The following KBTBD12 variants were observed in gnomAD, a reference collection of about 807,000 sequenced individuals.
KBTBD12 encodes the protein kelch repeat and BTB domain containing 12.
KBTBD12 carries 53 observed loss-of-function variants against 58.7 expected under a neutral mutation model. The ratio of observed to expected loss-of-function variants is 0.90; its 90% CI spans 0.72 to 1.14. The LOEUF is 1.14. Ranked by LOEUF, KBTBD12 falls within the 50% of genes most tolerant of loss-of-function variation. The pLI is 0.00. For missense variants in KBTBD12, 704 were observed against 751.3 expected (o/e 0.94, Z 0.74); for synonymous variants, 236 against 259.8 (o/e 0.91, Z 0.88).
At chr3:127,922,527 G>C (rs2107587739) in intron 1 of KBTBD12, among the ~76,000 whole-genome samples, 2 of 152,246 alleles carry the variant, frequency 1.3e-5, no homozygotes, top group East Asian at 3.9e-4. Context: ...TATTATAACA[G>C]TTCGGTGTAT....
rs1029831681 is a variant in KBTBD12, at chr3:127,915,571, A to C, written c.-128A>C. 1 of 152,324 alleles carries C rather than the reference A, an allele frequency of 6.6e-6. No individual in the cohort carries two copies. The highest frequency in any genetic ancestry group is 2.4e-5 in the African/African-American group (1 of 41,478). 9.4% of individuals were successfully genotyped at this position (152,324 alleles called of 1,614,324 possible). On this transcript the variant is annotated 5_prime_UTR_variant, in exon 1 of 6. Transcript: ENST00000405109. ...CCCAGCGAGTGGGGACGCGCCCCGA[A>C]CCAGGCAGCACCTTCGTAAGTAGGG...
At chr3:127,917,622 A>G (rs1446113679) in intron 1 of KBTBD12, among the ~76,000 whole-genome samples, 4 of 152,326 alleles carry the variant, frequency 2.6e-5, no homozygotes, top group Admixed American at 1.3e-4. Context: ...GAAGCTCTAG[A>G]GGCTGCCAGC....
chr3:127,984,394 G>C lies in KBTBD12; in HGVS notation c.*116G>C. 4.1e-6 allele frequency: 4 copies of C among 982,796 alleles called. No individual in the cohort carries two copies. Among genetic ancestry groups the C allele is most frequent in the Non-Finnish European group, 6.0e-6 (4 of 667,374 alleles). The allele number at this position is 982,796 out of a possible 1,614,324, so 60.9% of individuals were successfully genotyped here. A position where few individuals can be genotyped will look rare whatever the true frequency, so the allele number is the denominator to read the frequency against. ...GCACTGCATGCGTAGTGGCCTGTGTGTGAAGAAGCAGTGTGTGCTGGGCAC... is the reference window on the plus strand; with the variant it reads ...GCACTGCATGCGTAGTGGCCTGTGTCTGAAGAAGCAGTGTGTGCTGGGCAC... On this transcript the variant is annotated 3_prime_UTR_variant, in exon 6 of 6. Transcript: ENST00000405109.
chr3:127,938,046 T>C lies in KBTBD12; in HGVS notation c.1492+7763T>C, dbSNP rs537915678. ...ACCAGCAGACCACCATAAAGGAATTTTAAAGTATGTCTTTAAGCAAAAAAT... is the reference window on the plus strand; with the variant it reads ...ACCAGCAGACCACCATAAAGGAATTCTAAAGTATGTCTTTAAGCAAAAAAT... On this transcript the variant is annotated intron_variant, in intron 4 of 5. Transcript: ENST00000405109. Among the ~76,000 whole-genome samples the C allele has an allele frequency of 5.3e-5, 8 of 152,234 alleles. No homozygotes were observed. The South Asian group carries it at 1.7e-3, about 32-fold the overall frequency.
chr3:127,974,536 G>C (rs976034852), intron 5 of KBTBD12, among the ~76,000 whole-genome samples: 2 of 152,160 alleles, frequency 1.3e-5, no homozygotes, highest in African/African-American at 4.8e-5. Flanking sequence ...TGTCCCTTAA[G>C]AGTGAGAAGC....
intron 4 of KBTBD12, among the ~76,000 whole-genome samples, chr3:127,938,234 T>C (rs1454338704): frequency 6.6e-6 from 1 of 152,138 alleles, no homozygotes; most frequent in Non-Finnish European, 1.5e-5. Context: ...AATTAATATT[T>C]TTAAACAGTG....
chr3:127,916,421 G>T (rs1384610439), intron 1 of KBTBD12, among the ~76,000 whole-genome samples: 3 of 152,070 alleles, frequency 2.0e-5, no homozygotes, highest in South Asian at 4.1e-4. Context: ...TAAACTGGGG[G>T]TCACAAACTT....
chr3:127,930,065 T>C, intron 3 of KBTBD12, 68 bp from the exon 4 acceptor site: 1 of 1,391,932 alleles, frequency 7.2e-7, no homozygotes. Context: ...CTTTGATTAA[T>C]TGCATTCATG....
At chr3:127,937,266 C>T (rs1939850625) in intron 4 of KBTBD12, among the ~76,000 whole-genome samples, 2 of 151,868 alleles carry the variant, frequency 1.3e-5, no homozygotes, top group South Asian at 4.2e-4. Flanking sequence ...GTGCTTACTC[C>T]GTTTAAAGAA....
chr3:127,959,921 T>C (rs1021592068), intron 4 of KBTBD12, among the ~76,000 whole-genome samples: 1 of 152,236 alleles, frequency 6.6e-6, no homozygotes, highest in Non-Finnish European at 1.5e-5. Flanking sequence ...CACATGCTTT[T>C]TCCAAGGCAC....
intron 4 of KBTBD12, among the ~76,000 whole-genome samples, chr3:127,935,240 C>T (rs1242739575): frequency 6.6e-6 from 1 of 152,058 alleles, no homozygotes; most frequent in East Asian, 1.9e-4. Context: ...TGGGGACCAT[C>T]TGTAAAGCAG....
At chr3:127,960,831 AG>A (rs748636087) in intron 4 of KBTBD12, among the ~76,000 whole-genome samples, 1 of 152,226 alleles carries the variant, frequency 6.6e-6, no homozygotes, top group Non-Finnish European at 1.5e-5. Context: ...AGTTTTGTAG[AG>A]TTAGGGCTGA....
At chr3:127,961,347 A>C (rs1940435086) in intron 4 of KBTBD12, among the ~76,000 whole-genome samples, 1 of 152,186 alleles carries the variant, frequency 6.6e-6, no homozygotes, top group Non-Finnish European at 1.5e-5. Flanking sequence ...CCTCCTTGGA[A>C]ACGCTGCAGC....
chr3:127,955,119 C>G (rs760269952), intron 4 of KBTBD12, among the ~76,000 whole-genome samples: 1 of 152,142 alleles, frequency 6.6e-6, no homozygotes, highest in East Asian at 1.9e-4. Flanking sequence ...TGTAACCTGT[C>G]CTATTCTTCT....
At chr3:127,962,151 G>T (rs953477777) in intron 4 of KBTBD12, among the ~76,000 whole-genome samples, 2 of 152,166 alleles carry the variant, frequency 1.3e-5, no homozygotes, top group Non-Finnish European at 2.9e-5. Context: ...ATAGAATGAG[G>T]TCATCGATGA....
chr3:127,946,520 A>G (rs965676570), intron 4 of KBTBD12, among the ~76,000 whole-genome samples: 1 of 152,144 alleles, frequency 6.6e-6, no homozygotes, highest in Non-Finnish European at 1.5e-5. Flanking sequence ...TTTGAAGGTA[A>G]TGTGCCCTTT....
chr3:127,939,277 T>G (rs1320418660), intron 4 of KBTBD12, among the ~76,000 whole-genome samples: 1 of 152,214 alleles, frequency 6.6e-6, no homozygotes, highest in East Asian at 1.9e-4. Flanking sequence ...CGTCTTTTCC[T>G]TTCTCTCTTG....
At chr3:127,932,979 A>G (rs1391231107) in intron 4 of KBTBD12, among the ~76,000 whole-genome samples, 7 of 152,198 alleles carry the variant, frequency 4.6e-5, no homozygotes, top group Non-Finnish European at 7.4e-5. Context: ...TGTAAAGCAT[A>G]TCTTTAGAAA....
chr3:127,958,120 G>A (rs1157936909), intron 4 of KBTBD12, among the ~76,000 whole-genome samples: 3 of 152,134 alleles, frequency 2.0e-5, no homozygotes, highest in African/African-American at 7.2e-5. Context: ...GGGCAGGGGC[G>A]GTGCAGGAGG....
Sources: gnomAD v4.1 joint callset for allele counts (sites outside exome capture counted in the v4.1 genomes callset) on GRCh38, gnomAD v4.1.1 for gene constraint, MANE v1.5 for transcripts, NCBI Gene and HGNC (gene_info 2026-07-23, HGNC 2026-07-21) for gene names.